PRKACB: variants seen among roughly 807,000 people sequenced by gnomAD.
The protein encoded by PRKACB is protein kinase cAMP-activated catalytic subunit beta.
In PRKACB, 16 loss-of-function variants were observed where a neutral mutation model predicts 51.4. That is an observed-to-expected ratio of 0.31 (90% confidence interval 0.21 to 0.47). PRKACB has a LOEUF of 0.47. Ranked by LOEUF, PRKACB falls within the 20% of genes least tolerant of loss-of-function variation. The pLI is 1.00. For missense variants in PRKACB, 309 were observed against 464.5 expected (o/e 0.67, Z 3.08); for synonymous variants, 147 against 154.4 (o/e 0.95, Z 0.35).
At chr1:84,210,947 A>G (rs1436489674) in intron 8 of PRKACB, among the ~76,000 whole-genome samples, 3 of 152,180 alleles carry the variant, frequency 2.0e-5, no homozygotes, top group African/African-American at 4.8e-5. Context: ...CTCCCCCAAA[A>G]TACTTTAAAT....
intron 1 of PRKACB, among the ~76,000 whole-genome samples, chr1:84,167,373 C>A (rs1210516966): frequency 3.3e-5 from 5 of 151,542 alleles, no homozygotes; most frequent in African/African-American, 1.2e-4. Flanking sequence ...ATCTCTCTCA[C>A]AAATTTTGAT....
chr1:84,095,848 G>A (rs923236962), intron 1 of PRKACB, among the ~76,000 whole-genome samples: 2 of 151,446 alleles, frequency 1.3e-5, no homozygotes, highest in Non-Finnish European at 3.0e-5. Flanking sequence ...GTTTCTACTT[G>A]TAAATTTTTC....
chr1:84,225,666 A>G (rs1180572640), intron 9 of PRKACB, among the ~76,000 whole-genome samples: 1 of 151,978 alleles, frequency 6.6e-6, no homozygotes, highest in South Asian at 2.1e-4. Flanking sequence ...GAACAATGCT[A>G]TTGTGTGAAC....
chr1:84,199,088 C>G (rs185865160), intron 7 of PRKACB, among the ~76,000 whole-genome samples: 6 of 138,950 alleles, frequency 4.3e-5, no homozygotes, highest in African/African-American at 1.6e-4. Context: ...TATATATATG[C>G]GTATATATGC....
intron 1 of PRKACB, among the ~76,000 whole-genome samples, chr1:84,128,855 G>A (rs1231115951): frequency 6.6e-6 from 1 of 152,112 alleles, no homozygotes; most frequent in Non-Finnish European, 1.5e-5. Context: ...TTTGATGTTG[G>A]CACTGTCTAC....
intron 1 of PRKACB, chr1:84,175,923 C>CT: frequency 1.3e-6 from 1 of 781,572 alleles, no homozygotes; most frequent in Non-Finnish European, 1.8e-6. Context: ...TGTGTGTCCT[C>CT]TTTTTTGTAG....
At chr1:84,226,337 T>A (rs1674602234) in intron 9 of PRKACB, among the ~76,000 whole-genome samples, 1 of 151,478 alleles carries the variant, frequency 6.6e-6, no homozygotes, top group African/African-American at 2.4e-5. Context: ...AGTTGCATAT[T>A]AGGAGAGAAC....
intron 1 of PRKACB, among the ~76,000 whole-genome samples, chr1:84,088,018 A>G (rs1248132660): frequency 6.6e-6 from 1 of 152,138 alleles, no homozygotes; most frequent in African/African-American, 2.4e-5. Context: ...GGATTATAGG[A>G]CGTGTTTTTT....
intron 1 of PRKACB, among the ~76,000 whole-genome samples, chr1:84,090,651 T>A (rs1352329714): frequency 6.6e-6 from 1 of 152,162 alleles, no homozygotes; most frequent in Non-Finnish European, 1.5e-5. Context: ...GACCTCTACA[T>A]GTGGCTTGGG....
intron 1 of PRKACB, among the ~76,000 whole-genome samples, chr1:84,150,286 T>TTAAAA (rs1303578913): frequency 7.2e-5 from 11 of 151,884 alleles, no homozygotes; most frequent in Non-Finnish European, 1.5e-4. Flanking sequence ...TCAAAATAAA[T>TTAAAA]TAAAATAAAA....
intron 1 of PRKACB, among the ~76,000 whole-genome samples, chr1:84,135,101 C>A (rs1379139761): frequency 6.6e-6 from 1 of 151,972 alleles, no homozygotes; most frequent in East Asian, 1.9e-4. Flanking sequence ...TAATCACTAA[C>A]CAAAAGGAAG....
chr1:84,133,457 T>A lies in PRKACB; in HGVS notation c.47-45720T>A, dbSNP rs919319112. 5.3e-5 allele frequency among the ~76,000 whole-genome samples: 8 copies of A among 152,192 alleles called. 1 individual carries two copies. In the South Asian group the frequency reaches 1.5e-3, roughly 28 times the overall value. On this transcript the variant is annotated intron_variant, in intron 1 of 8. Transcript: ENST00000370688. The stretch of plus-strand genomic sequence containing the variant: ...GATCTTTTATTTTTCTTATTCCTCA[T>A]TGATCTAAAAGAAACTGTATAAAGT...
At position 84,216,451 on chromosome 1, in the gene PRKACB, A is replaced by G. The variant is rs145486570; in HGVS notation, c.1071+2134A>G. On this transcript the variant is annotated intron_variant, in intron 9 of 9. Coordinates refer to ENST00000370685, the MANE Select transcript of PRKACB (RefSeq NM_182948.4). ...AAACAATGTGAATGCAATACAGCCT[A>G]TCTCACAAGAGGGATCCAGAAACTC... Among the ~76,000 whole-genome samples the G allele has an allele frequency of 3.3e-3, 497 of 152,338 alleles. 3 individuals are homozygous for G. Among genetic ancestry groups the G allele is most frequent in the African/African-American group, 0.011 (471 of 41,584 alleles).
At chr1:84,194,481 G>T (rs1358940182) in intron 5 of PRKACB, among the ~76,000 whole-genome samples, 1 of 152,262 alleles carries the variant, frequency 6.6e-6, no homozygotes, top group South Asian at 2.1e-4. Context: ...ATCAAATGAG[G>T]CATTATAATT....
intron 1 of PRKACB, among the ~76,000 whole-genome samples, chr1:84,161,545 A>G (rs1656193742): frequency 6.6e-6 from 1 of 150,846 alleles, no homozygotes; most frequent in South Asian, 2.1e-4. Flanking sequence ...TTCCCTTTCT[A>G]CCACCTTCTT....
At chr1:84,200,979 AT>A (rs1236467116) in intron 7 of PRKACB, among the ~76,000 whole-genome samples, 3 of 151,934 alleles carry the variant, frequency 2.0e-5, no homozygotes, top group Non-Finnish European at 2.9e-5. Context: ...TTTATTTTTG[AT>A]TTTTTTATTA....
At chr1:84,142,563 T>C (rs1653522491), upstream of PRKACB, among the ~76,000 whole-genome samples, 1 of 152,222 alleles carries the variant, frequency 6.6e-6, no homozygotes, top group South Asian at 2.1e-4. Context: ...TTTTGTCATA[T>C]AGATGCTGTT....
intron 1 of PRKACB, among the ~76,000 whole-genome samples, chr1:84,152,355 T>G (rs1409168847): frequency 6.6e-6 from 1 of 152,186 alleles, no homozygotes; most frequent in Non-Finnish European, 1.5e-5. Context: ...GGCTTCAATT[T>G]GAAGTCACCA....
intron 1 of PRKACB, among the ~76,000 whole-genome samples, chr1:84,178,509 G>C (rs1662109152): frequency 6.6e-6 from 1 of 151,902 alleles, no homozygotes; most frequent in South Asian, 2.1e-4. Context: ...ACTTGGTTTT[G>C]AATTGCTTTA....
Sources: gnomAD v4.1 joint callset for allele counts (sites outside exome capture counted in the v4.1 genomes callset) on GRCh38, gnomAD v4.1.1 for gene constraint, MANE v1.5 for transcripts, NCBI Gene and HGNC (gene_info 2026-07-23, HGNC 2026-07-21) for gene names.